The following PLEKHS1 variants were observed in gnomAD, a reference collection of about 807,000 sequenced individuals.
PLEKHS1 encodes pleckstrin homology domain-containing family S member 1.
A neutral mutation model predicts 51.0 loss-of-function variants in PLEKHS1; 55 were observed. The ratio of observed to expected loss-of-function variants is 1.08; its 90% CI spans 0.87 to 1.35. PLEKHS1 has a LOEUF of 1.35. PLEKHS1 is among the 40% of genes most tolerant of loss of function. The pLI, the probability that PLEKHS1 is intolerant of heterozygous loss-of-function variation, is 0.00. For synonymous variants in PLEKHS1, 153 were observed against 144.8 expected (o/e 1.06, Z -0.41); for missense variants, 398 against 423.0 (o/e 0.94, Z 0.52).
intron 11 of PLEKHS1, 54 bp downstream of exon 12, chr10:113,777,313 G>A: frequency 1.2e-6 from 2 of 1,608,608 alleles, no homozygotes; most frequent in East Asian, 4.5e-5. Context: ...GAAGGAAAAA[G>A]ATCAGGGTCT....
intron 5 of PLEKHS1, 77 bp from the exon 6 acceptor site, chr10:113,768,738 T>C: frequency 2.5e-6 from 3 of 1,207,106 alleles, no homozygotes; most frequent in Non-Finnish European, 3.6e-6. Flanking sequence ...ATTCTAACAT[T>C]CATAAAAGAA....
At chr10:113,775,671 T>C (rs567803523) in intron 10 of PLEKHS1, 94 bp from the exon 11 acceptor site, 3 of 710,988 alleles carry the variant, frequency 4.2e-6, no homozygotes, top group Admixed American at 2.5e-5. Context: ...GACAATGTCA[T>C]CTCAGAAATA....
At chr10:113,757,479 A>C (rs1269120108) in intron 2 of PLEKHS1, among the ~76,000 whole-genome samples, 1 of 152,224 alleles carries the variant, frequency 6.6e-6, no homozygotes, top group African/African-American at 2.4e-5. Context: ...TGTCTAAGTA[A>C]ATAATTTGCA....
intron 7 of PLEKHS1, among the ~76,000 whole-genome samples, chr10:113,770,570 A>C (rs1844359596): frequency 6.6e-6 from 1 of 152,164 alleles, no homozygotes; most frequent in Non-Finnish European, 1.5e-5. Context: ...TACCCTGTCC[A>C]TGTATACCAA....
At position 113,774,843 on chromosome 10, in the gene PLEKHS1, C is replaced by T. The variant is rs1166694818; in HGVS notation, c.797C>T (p.Ser266Phe). 1.9e-6 allele frequency: 3 copies of T among 1,613,802 alleles called. No homozygotes were observed. Among genetic ancestry groups the T allele is most frequent in the African/African-American group, 1.3e-5 (1 of 74,884 alleles). The stretch of plus-strand genomic sequence containing the variant: ...TGCTCTAGTTTTTTCAAAGAGACAT[C>T]CCATGAGTCTGTGGATAGCAGCAAA... The change falls in exon 10 of 12, where the codon TCC (serine) becomes TTC (phenylalanine). Residue 266 changes from serine to phenylalanine, a missense_variant. By Grantham distance (155) the Ser-to-Phe change is radical. Transcript: ENST00000361048.
At chr10:113,754,819 C>T (rs1455034558) in intron 1 of PLEKHS1, among the ~76,000 whole-genome samples, 1 of 152,148 alleles carries the variant, frequency 6.6e-6, no homozygotes, top group Non-Finnish European at 1.5e-5. Flanking sequence ...AGAAAGCAAG[C>T]CCCTGGGCAT....
At chr10:113,781,050 T>C (rs1844851545) in exon 12 of PLEKHS1, 3 of 467,004 alleles carry the variant, frequency 6.4e-6, no homozygotes, top group African/African-American at 1.9e-5. Flanking sequence ...ATTGGGTCAG[T>C]CCTTCATGTA....
At chr10:113,782,209 C>A (rs11196485) in exon 12 of PLEKHS1, 25,488 of 152,034 alleles carry the variant, frequency 0.17, 2,525 homozygotes, top group East Asian at 0.33. Flanking sequence ...AGCCCCGGAG[C>A]GATGAAAGGC....
intron 9 of PLEKHS1, 52 bp from the exon 10 acceptor site, chr10:113,774,774 A>G: frequency 6.6e-7 from 1 of 1,520,082 alleles, no homozygotes; most frequent in Non-Finnish European, 9.1e-7. Flanking sequence ...ACAGGGGAAC[A>G]CTGTAAAAAC....
Position 113,765,129 on chromosome 10 carries a change from A to T in PLEKHS1, c.29-1282A>T, listed in dbSNP as rs146934323. 648 of 401,458 alleles carry T rather than the reference A, an allele frequency of 1.6e-3. 1 individual carries two copies. The highest frequency in any genetic ancestry group is 2.3e-3 in the Non-Finnish European group (526 of 225,070). 24.9% of individuals were successfully genotyped at this position (401,458 alleles called of 1,614,324 possible). Reference sequence around the variant, plus strand: ...GCCTGGTAAACTTTGATTGACTGCCAAACATCGCAAATTTTACCTTGTTGT... The same window carrying T: ...GCCTGGTAAACTTTGATTGACTGCCTAACATCGCAAATTTTACCTTGTTGT... On this transcript the variant is annotated intron_variant, in intron 2 of 11. Coordinates refer to ENST00000361048, the Ensembl canonical transcript of PLEKHS1.
chr10:113,772,108 T>C lies in PLEKHS1; in HGVS notation c.672+19T>C, dbSNP rs2134550640. The stretch of plus-strand genomic sequence containing the variant: ...TTTAGAGGTAACCCCTTCTTGTCCA[T>C]TCATCATTTGTTTCTTTAACAAATA... On this transcript the variant is annotated intron_variant, in intron 8 of 11. Transcript: ENST00000361048. The C allele has an allele frequency of 6.2e-7, 1 of 1,610,060 alleles. No homozygotes were observed. Among genetic ancestry groups the C allele is most frequent in the East Asian group, 2.2e-5 (1 of 44,854 alleles).
chr10:113,771,545 C>T (rs141362947), intron 7 of PLEKHS1, among the ~76,000 whole-genome samples: 208 of 151,834 alleles, frequency 1.4e-3, no homozygotes, highest in African/African-American at 4.8e-3. Flanking sequence ...CATGGTGATG[C>T]GCGCCTGTAT....
At chr10:113,775,165 C>T in intron 10 of PLEKHS1, 130 bp downstream of exon 10, 2 of 780,348 alleles carry the variant, frequency 2.6e-6, no homozygotes, top group Middle Eastern at 3.7e-4. Flanking sequence ...AAAAACTTGA[C>T]CATCTTCTCC....
chr10:113,774,201 C>CG (rs1844545581), intron 8 of PLEKHS1, 26 bp from the exon 9 acceptor site: 1 of 1,414,942 alleles, frequency 7.1e-7, no homozygotes, highest in Non-Finnish European at 9.9e-7. Flanking sequence ...AACTGGGATT[C>CG]TTACATCTAT....
At chr10:113,781,861 A>T (rs1384473754) in exon 12 of PLEKHS1, 3 of 153,842 alleles carry the variant, frequency 2.0e-5, no homozygotes, top group Admixed American at 6.5e-5. Context: ...CCCACAGGCC[A>T]GAGTGCTGAG....
chr10:113,769,601 T>C (rs1476400769), intron 6 of PLEKHS1, among the ~76,000 whole-genome samples, 183 bp from the exon 7 acceptor site: 1 of 151,948 alleles, frequency 6.6e-6, no homozygotes, highest in East Asian at 1.9e-4. Flanking sequence ...TCCTCAAGGG[T>C]TTGGAAACAG....
chr10:113,766,661 G>A, exon 4 of PLEKHS1: 1 of 1,613,122 alleles, frequency 6.2e-7, no homozygotes, highest in Non-Finnish European at 8.5e-7. Context: ...GGGGAAAAGA[G>A]CTTTAGTCTT....
At chr10:113,778,809 A>G (rs1844779337) in intron 11 of PLEKHS1, among the ~76,000 whole-genome samples, 1 of 152,032 alleles carries the variant, frequency 6.6e-6, no homozygotes, top group African/African-American at 2.4e-5. Flanking sequence ...ACGCCCAGCT[A>G]ATTTTTTGTA....
At chr10:113,758,336 G>A (rs979538093) in intron 2 of PLEKHS1, among the ~76,000 whole-genome samples, 3 of 152,196 alleles carry the variant, frequency 2.0e-5, no homozygotes, top group African/African-American at 7.2e-5. Flanking sequence ...TGTGTTAGCA[G>A]GCATGTAAAC....
Sources: gnomAD v4.1 joint callset for allele counts (sites outside exome capture counted in the v4.1 genomes callset) on GRCh38, gnomAD v4.1.1 for gene constraint, MANE v1.5 for transcripts, NCBI Gene and HGNC (gene_info 2026-07-23, HGNC 2026-07-21) for gene names.